The following MED11 variants were observed in gnomAD, a reference collection of about 807,000 sequenced individuals.
MED11 encodes mediator of RNA polymerase II transcription subunit 11.
Under a neutral mutation model 13.9 loss-of-function variants are expected in MED11, and 19 were observed. That is an observed-to-expected ratio of 1.36 (90% CI 0.95 to 2.00). The LOEUF is 2.00. Among genes scored for constraint, MED11 ranks in the 30% most tolerant of loss-of-function variants. The probability of loss-of-function intolerance (pLI) is 0.00; values close to 1 mark genes in which losing one functional copy is unlikely to be tolerated. For synonymous variants in MED11, 67 were observed against 62.1 expected (o/e 1.08, Z -0.37); for missense variants, 134 against 150.2 (o/e 0.89, Z 0.56).
intron 2 of MED11, chr17:4,732,488 G>A (rs1391726369): frequency 6.4e-5 from 10 of 157,070 alleles, no homozygotes; most frequent in Admixed American, 5.9e-4. Context: ...GCTGAGGCAG[G>A]AGAATCGCTT....
At chr17:4,731,628 C>T in intron 1 of MED11, 54 bp downstream of exon 1, 1 of 1,607,808 alleles carries the variant, frequency 6.2e-7, no homozygotes, top group Non-Finnish European at 8.5e-7. Flanking sequence ...CCGGGCTGCA[C>T]TGGCAGCCTG....
Position 4,731,459 on chromosome 17 carries a change from G to C in MED11, c.-31G>C. On this transcript the variant is annotated 5_prime_UTR_variant, in exon 1 of 3. Coordinates refer to ENST00000293777, the MANE Select transcript of MED11 (RefSeq NM_001001683.4). Reference sequence around the variant, plus strand: ...GGAACAAGCGTCGCGTTTCTGAGGAGAAACTCTTGGTGAGAATTCCCAGAG... The same window carrying C: ...GGAACAAGCGTCGCGTTTCTGAGGACAAACTCTTGGTGAGAATTCCCAGAG... The C allele has an allele frequency of 1.2e-6, 2 of 1,609,894 alleles. No individual in the cohort carries two copies. Among genetic ancestry groups the C allele is most frequent in the Non-Finnish European group, 1.7e-6 (2 of 1,176,420 alleles).
At chr17:4,732,291 C>G (rs1322575751) in intron 2 of MED11, 3 of 208,060 alleles carry the variant, frequency 1.4e-5, no homozygotes, top group African/African-American at 7.0e-5. Context: ...GGGCTGGTAG[C>G]GGGCACCTGT....
chr17:4,731,604 G>C (rs377029924), intron 1 of MED11, 30 bp downstream of exon 1: 3 of 1,613,650 alleles, frequency 1.9e-6, no homozygotes, highest in Non-Finnish European at 2.5e-6. Context: ...GGACAGCGGG[G>C]AGCGAAAGCG....
Position 4,733,423 on chromosome 17 carries a change from G to C in MED11, c.*236G>C. 1 of 461,364 alleles carries C rather than the reference G, an allele frequency of 2.2e-6. No individual in the cohort carries two copies. Among genetic ancestry groups the C allele is most frequent in the Non-Finnish European group, 3.9e-6 (1 of 257,268 alleles). The allele number at this position is 461,364 out of a possible 1,614,324, so 28.6% of individuals were successfully genotyped here. On this transcript the variant is annotated 3_prime_UTR_variant, in exon 3 of 3. Transcript: ENST00000293777. The stretch of plus-strand genomic sequence containing the variant: ...CTGCACTCCAGAAACACCCTGACAG[G>C]CTCAGAGAGGAGATGGAAACTGACA...
At chr17:4,732,978 T>G in intron 2 of MED11, 72 bp from the exon 3 acceptor site, 10 of 1,532,236 alleles carry the variant, frequency 6.5e-6, no homozygotes, top group South Asian at 1.2e-5. Context: ...AGGGAAGAAA[T>G]GAGACGAGAC....
In MED11 at chr17:4,731,814, G is replaced by T. The variant is rs1326274367; in HGVS notation, c.124G>T (p.Glu42Ter). The T allele has an allele frequency of 1.2e-6, 2 of 1,614,140 alleles. No homozygotes were observed. The highest frequency in any genetic ancestry group is 4.5e-5 in the East Asian group (2 of 44,882). ...AGAATTGTCCAAGGAAAAAACTAAC[G>T]AGCGGCTCCTAGACCGGCAGGCGGC... is the stretch of plus-strand genomic sequence containing the variant. ...ILELSKEKTN[E>*]RLLDRQAAAF... Residue 42 changes from glutamate to a stop codon, truncating the protein, a stop_gained, in exon 2 of 3, where the codon GAG (glutamate) becomes TAG (stop). Transcript: ENST00000293777. LOFTEE classifies it high-confidence loss of function.
intron 2 of MED11, 123 bp downstream of exon 2, chr17:4,732,029 C>A: frequency 8.1e-7 from 1 of 1,227,998 alleles, no homozygotes; most frequent in Non-Finnish European, 1.1e-6. Flanking sequence ...CCATCCAGAG[C>A]GGGTTTCTTC....
At position 4,733,265 on chromosome 17, in the gene MED11, G is replaced by C; in HGVS notation, c.*78G>C. The C allele has an allele frequency of 6.4e-7, 1 of 1,556,152 alleles. No individual in the cohort carries two copies. Among genetic ancestry groups the C allele is most frequent in the Non-Finnish European group, 8.8e-7 (1 of 1,141,010 alleles). On this transcript the variant is annotated 3_prime_UTR_variant, in exon 3 of 3. Coordinates refer to ENST00000293777, the MANE Select transcript of MED11 (RefSeq NM_001001683.4). Reference sequence around the variant, plus strand: ...ACAGAACCTGGGAACATGTAGGGTGGGGAGTATGAGCACCAACATACCCTG... The same window carrying C: ...ACAGAACCTGGGAACATGTAGGGTGCGGAGTATGAGCACCAACATACCCTG...
In MED11 at chr17:4,733,201, A is replaced by AC. The variant is rs1284309496; in HGVS notation, c.*17dup. 2 of 1,613,988 alleles carry AC rather than the reference A, an allele frequency of 1.2e-6. No homozygotes were observed. Among genetic ancestry groups the AC allele is most frequent in the South Asian group, 2.2e-5 (2 of 91,054 alleles). ...CTGGAGAACTAGGCCAGGGAGATGG[A>AC]CCCAGAGCTGAGAGGGAGACCATCA... On this transcript the variant is annotated 3_prime_UTR_variant, in exon 3 of 3. Transcript: ENST00000293777.
chr17:4,732,107 G>A, intron 2 of MED11: 1 of 559,564 alleles, frequency 1.8e-6, no homozygotes, highest in Non-Finnish European at 3.1e-6. Flanking sequence ...GGCCAACACG[G>A]TGAAACCTCG....
At chr17:4,731,732 A>T (rs756282637) in intron 1 of MED11, 44 bp from the exon 2 acceptor site, 1 of 1,609,084 alleles carries the variant, frequency 6.2e-7, no homozygotes, top group Admixed American at 1.7e-5. Context: ...GAGAGGCTAC[A>T]CTGGCAGTCT....
At chr17:4,732,420 CA>C (rs58128934) in intron 2 of MED11, 73 of 58,932 alleles carry the variant, frequency 1.2e-3, no homozygotes, top group South Asian at 5.9e-3. Context: ...AAGACTGTCT[CA>C]AAAAAAAAAA....
Position 4,733,140 on chromosome 17 carries a change from AAG to A in MED11, c.308_309del (p.Lys103ThrfsTer3). The part of the protein sequence containing the change: ...ALKRVDYARL[K>X]LSDVARTCEQ... ...GAAGCGAGTGGACTATGCCCGCCTC[AAG>A]CTCAGTGATGTGGCTCGAACCTGTG... On this transcript the variant is annotated frameshift_variant, in exon 3 of 3. Coordinates refer to ENST00000293777, the MANE Select transcript of MED11 (RefSeq NM_001001683.4). LOFTEE classifies it high-confidence loss of function. 6.2e-7 allele frequency: 1 copy of A among 1,614,152 alleles called. No homozygotes were observed. The highest frequency in any genetic ancestry group is 1.3e-5 in the African/African-American group (1 of 75,036).
At chr17:4,731,645 G>A (rs1915979708) in intron 1 of MED11, 71 bp downstream of exon 1, 2 of 1,610,096 alleles carry the variant, frequency 1.2e-6, no homozygotes, top group South Asian at 1.1e-5. Flanking sequence ...CCTGACCTGG[G>A]ACTTGGAGCA....
intron 2 of MED11, chr17:4,732,835 A>C (rs1230938063): frequency 1.7e-6 from 1 of 581,158 alleles, no homozygotes; most frequent in Non-Finnish European, 3.0e-6. Flanking sequence ...TGTGCCAGAT[A>C]CTCTGCATTA....
At position 4,731,453 on chromosome 17, in the gene MED11, TGAG is replaced by T. The variant is rs1459449496; in HGVS notation, c.-33_-31del. ...ACTTCCGGAACAAGCGTCGCGTTTC[TGAG>T]GAGAAACTCTTGGTGAGAATTCCCA... On this transcript the variant is annotated 5_prime_UTR_variant, in exon 1 of 3. Coordinates refer to ENST00000293777, the MANE Select transcript of MED11 (RefSeq NM_001001683.4). 8 of 1,606,154 alleles carry T rather than the reference TGAG, an allele frequency of 5.0e-6. No individual in the cohort carries two copies. In the Admixed American group the frequency reaches 1.2e-4, roughly 23 times the overall value.
In MED11 at chr17:4,731,430, T is replaced by G. The variant is rs1338882076; in HGVS notation, c.-60T>G. 13 of 1,569,248 alleles carry G rather than the reference T, an allele frequency of 8.3e-6. No homozygotes were observed. The highest frequency in any genetic ancestry group is 3.4e-5 in the Admixed American group (2 of 59,328). ...TGCGCAGGCGCACACCGAGAGCCAC[T>G]TCCGGAACAAGCGTCGCGTTTCTGA... On this transcript the variant is annotated 5_prime_UTR_variant, in exon 1 of 3. Transcript: ENST00000293777.
chr17:4,731,477 TC>T lies in MED11; in HGVS notation c.-10del. 6.2e-7 allele frequency: 1 copy of T among 1,612,636 alleles called. No individual in the cohort carries two copies. The highest frequency in any genetic ancestry group is 8.5e-7 in the Non-Finnish European group (1 of 1,179,264). On this transcript the variant is annotated 5_prime_UTR_variant, in exon 1 of 3. Transcript: ENST00000293777. ...CTGAGGAGAAACTCTTGGTGAGAAT[TC>T]CCAGAGTGATAATGGCTACCTACAG...
Sources: gnomAD v4.1 joint callset for allele counts on GRCh38, gnomAD v4.1.1 for gene constraint, MANE v1.5 for transcripts, NCBI Gene and HGNC (gene_info 2026-07-23, HGNC 2026-07-21) for gene names.